CXADR: variants seen among roughly 807,000 people sequenced by gnomAD.
The protein encoded by CXADR is coxsackievirus and adenovirus receptor.
A neutral mutation model predicts 40.3 loss-of-function variants in CXADR; 20 were observed. The observed-to-expected ratio is 0.50, with a 90% CI of 0.35 to 0.72. CXADR has a LOEUF of 0.72. Among genes scored for constraint, CXADR ranks in the 30% least tolerant of loss-of-function variants. The pLI, the probability that CXADR is intolerant of heterozygous loss-of-function variation, is 0.01. For synonymous variants in CXADR, 150 were observed against 161.3 expected (o/e 0.93, Z 0.53); for missense variants, 332 against 449.1 (o/e 0.74, Z 2.36).
chr21:17,543,072 GAAAAACA>G (rs527449258), intron 1 of CXADR: 131 of 335,162 alleles, frequency 3.9e-4, no homozygotes, highest in African/African-American at 2.3e-3. Flanking sequence ...TTTTTTGAAA[GAAAAACA>G]AAAAACAAAA....
At chr21:17,534,100 A>ATATATATAT (rs1179683085) in intron 1 of CXADR, among the ~76,000 whole-genome samples, 1 of 60,064 alleles carries the variant, frequency 1.7e-5, no homozygotes, top group African/African-American at 8.9e-5. Flanking sequence ...ATATATATAT[A>ATATATATAT]TTTTTTTTTT....
chr21:17,550,927 A>G (rs899013220), intron 2 of CXADR, among the ~76,000 whole-genome samples: 1 of 152,178 alleles, frequency 6.6e-6, no homozygotes. Flanking sequence ...TATCTGTTAG[A>G]GTCTAGAGCC....
chr21:17,552,080 T>C, intron 3 of CXADR, 127 bp downstream of exon 3: 1 of 693,752 alleles, frequency 1.4e-6, no homozygotes, highest in South Asian at 2.0e-5. Context: ...ACACTTGAAG[T>C]ACTTCTATGT....
intron 1 of CXADR, among the ~76,000 whole-genome samples, chr21:17,545,746 CAAAAATAAT>C (rs2060887926): frequency 1.4e-5 from 2 of 146,360 alleles, no homozygotes; most frequent in Non-Finnish European, 3.0e-5. Context: ...AGAAGTGTCT[CAAAAATAAT>C]ATGAGTCAAC....
Position 17,569,349 on chromosome 21 carries a change from G to T in CXADR, c.*3657G>T. ...TTGGCACAATTTTAACTTCTTAGTG[G>T]CTTGTGACATTATATATTATATATA... On this transcript the variant is annotated 3_prime_UTR_variant, in exon 7 of 7. Transcript: ENST00000284878. 1 of 982,000 alleles carries T rather than the reference G, an allele frequency of 1.0e-6. No homozygotes were observed. The highest frequency in any genetic ancestry group is 1.2e-6 in the Non-Finnish European group (1 of 828,858). The allele number at this position is 982,000 out of a possible 1,614,324, so 60.8% of individuals were successfully genotyped here.
At chr21:17,605,911 A>G in the CXADR span, among the ~76,000 whole-genome samples, 2 of 152,216 alleles carry the variant, frequency 1.3e-5, no homozygotes, top group African/African-American at 4.8e-5. Context: ...CAGACCTGTA[A>G]CTATAAAACA....
downstream of CXADR, among the ~76,000 whole-genome samples, chr21:17,570,406 C>T (rs1355041858): frequency 2.6e-5 from 4 of 152,052 alleles, no homozygotes; most frequent in African/African-American, 9.7e-5. Flanking sequence ...AGATACATTG[C>T]CCAATGTGTG....
the CXADR span, chr21:17,604,286 T>TA: frequency 3.3e-4 from 83 of 253,196 alleles, no homozygotes; most frequent in South Asian, 1.1e-3. Context: ...ACTACAAATA[T>TA]AAAAAAAAAT....
In CXADR at chr21:17,540,985, G is replaced by A. The variant is rs373048184; in HGVS notation, c.44-6042G>A. ...AAAATAGACTTTATTTTGTACAGCA[G>A]TTTTAGATTTACAGCAAAATCGAGC... On this transcript the variant is annotated intron_variant, in intron 1 of 6. Transcript: ENST00000284878. Among the ~76,000 whole-genome samples, 49 of 152,188 alleles carry A rather than the reference G, an allele frequency of 3.2e-4. No homozygotes were observed. In the South Asian group the frequency reaches 0.01, roughly 32 times the overall value.
chr21:17,625,169 A>C, the CXADR span, among the ~76,000 whole-genome samples: 3 of 152,120 alleles, frequency 2.0e-5, no homozygotes, highest in African/African-American at 7.2e-5. Flanking sequence ...CCACTGCATT[A>C]ATCATGTTTG....
downstream of CXADR, among the ~76,000 whole-genome samples, chr21:17,596,131 C>CAT (rs1356539587): frequency 6.6e-6 from 1 of 151,970 alleles, no homozygotes; most frequent in Admixed American, 6.6e-5. Flanking sequence ...TTCATTGAAT[C>CAT]ATTTACCTTT....
chr21:17,531,292 CTG>C (rs756745887), intron 1 of CXADR, among the ~76,000 whole-genome samples: 1 of 142,554 alleles, frequency 7.0e-6, no homozygotes, highest in Non-Finnish European at 1.5e-5. Flanking sequence ...GAACGAGACT[CTG>C]TCTCAAAAAA....
intron 1 of CXADR, among the ~76,000 whole-genome samples, chr21:17,534,989 C>A (rs2060736145): frequency 6.6e-6 from 1 of 151,990 alleles, no homozygotes; most frequent in African/African-American, 2.4e-5. Context: ...TTCATCCTGG[C>A]CAGGCTGGTC....
intron 2 of CXADR, among the ~76,000 whole-genome samples, chr21:17,549,237 A>G (rs540003040): frequency 1.3e-5 from 2 of 152,306 alleles, no homozygotes; most frequent in South Asian, 4.1e-4. Flanking sequence ...TGCCCAGAGT[A>G]ACAAGTGCAG....
chr21:17,599,996 A>G, the CXADR span, among the ~76,000 whole-genome samples: 1 of 152,202 alleles, frequency 6.6e-6, no homozygotes, highest in Non-Finnish European at 1.5e-5. Context: ...TGCTTACTTC[A>G]GAGTTTCCTA....
chr21:17,533,608 T>G (rs751665293), intron 1 of CXADR, among the ~76,000 whole-genome samples: 1 of 152,182 alleles, frequency 6.6e-6, no homozygotes, highest in Non-Finnish European at 1.5e-5. Flanking sequence ...ACCTTTTTCT[T>G]GGAGTTGTTA....
chr21:17,568,790 C>T lies in CXADR; in HGVS notation c.*3098C>T. 1.0e-6 allele frequency: 1 copy of T among 985,058 alleles called. No individual in the cohort carries two copies. Among genetic ancestry groups the T allele is most frequent in the Middle Eastern group, 5.2e-4 (1 of 1,914 alleles). 61.0% of individuals were successfully genotyped at this position (985,058 alleles called of 1,614,324 possible). On this transcript the variant is annotated 3_prime_UTR_variant, in exon 7 of 7. Coordinates refer to ENST00000284878, the MANE Select transcript of CXADR (RefSeq NM_001338.5). ...CCTTGTTAGAGAGCCTCTCACTCCC[C>T]CACCCCCAAAAATGTCTACTATTCA...
intron 6 of CXADR, among the ~76,000 whole-genome samples, chr21:17,562,136 G>C (rs1032812684): frequency 9.9e-6 from 1 of 100,810 alleles, no homozygotes; most frequent in African/African-American, 3.8e-5. Flanking sequence ...TAAAAAAACA[G>C]TGTAGATACC....
At chr21:17,615,340 G>A in the CXADR span, among the ~76,000 whole-genome samples, 1 of 152,158 alleles carries the variant, frequency 6.6e-6, no homozygotes, top group African/African-American at 2.4e-5. Context: ...ATAGTATTCT[G>A]TTATAGCATC....
Sources: allele counts gnomAD v4.1 joint callset (sites outside exome capture counted in the v4.1 genomes callset), GRCh38; gene constraint gnomAD v4.1.1; transcripts MANE v1.5; gene names NCBI Gene and HGNC (gene_info 2026-07-23, HGNC 2026-07-21).